The following NRBP2 variants were observed in gnomAD, a reference collection of about 807,000 sequenced individuals.
NRBP2 encodes the protein nuclear receptor-binding protein 2.
Under a neutral mutation model 74.4 loss-of-function variants are expected in NRBP2, and 47 were observed. The ratio of observed to expected loss-of-function variants is 0.63; its 90% CI spans 0.50 to 0.81. NRBP2 has a LOEUF of 0.81. Ranked by LOEUF, NRBP2 falls within the 30% of genes least tolerant of loss-of-function variation. The pLI, the probability that NRBP2 is intolerant of heterozygous loss-of-function variation, is 0.00. For synonymous variants in NRBP2, 312 were observed against 273.8 expected, an observed-to-expected ratio of 1.14 and a Z score of -1.38; for missense variants, 613 against 690.1, an observed-to-expected ratio of 0.89 and a Z score of 1.25.
chr8:143,831,231 T>C (rs2130499464), downstream of NRBP2, among the ~76,000 whole-genome samples: 2 of 152,338 alleles, frequency 1.3e-5, no homozygotes, highest in South Asian at 4.1e-4. Context: ...TGTTACCCCA[T>C]TTTTACTGAT....
intron 14 of NRBP2, 151 bp downstream of exon 14, chr8:143,836,888 C>T (rs1251796350): frequency 1.1e-6 from 1 of 878,554 alleles, no homozygotes; most frequent in Non-Finnish European, 1.8e-6. Context: ...CCCCATGACC[C>T]CCACAAGGGG....
At chr8:143,838,044 T>G in intron 10 of NRBP2, 5 of 652,496 alleles carry the variant, frequency 7.7e-6, no homozygotes, top group Non-Finnish European at 1.1e-5. Context: ...GCAAGCCTCC[T>G]ACCCATGGCC....
chr8:143,838,641 C>T lies in NRBP2; in HGVS notation c.840+39G>A, dbSNP rs368473705. 50 of 1,486,032 alleles carry T rather than the reference C, an allele frequency of 3.4e-5. No homozygotes were observed. In the East Asian group the frequency reaches 4.4e-4, roughly 13 times the overall value. The allele number at this position is 1,486,032 out of a possible 1,614,324, so 92.1% of individuals were successfully genotyped here. Reference sequence around the variant, plus strand: ...GCACCTTGCTAGCCCTAGCTGAGCACGGTGAGCCAGCTGGGGAGGGGCAGG... The same window carrying T: ...GCACCTTGCTAGCCCTAGCTGAGCATGGTGAGCCAGCTGGGGAGGGGCAGG... On this transcript the variant is annotated intron_variant, in intron 10 of 17. Coordinates refer to ENST00000442628, the MANE Select transcript of NRBP2 (RefSeq NM_178564.4).
chr8:143,837,608 C>T lies in NRBP2; in HGVS notation c.973+15G>A, dbSNP rs782752673. On this transcript the variant is annotated intron_variant, in intron 11 of 17. Coordinates refer to ENST00000442628, the MANE Select transcript of NRBP2 (RefSeq NM_178564.4). This position sits in a 1 kb window ranked among gnomAD's most constrained non-coding sequence, Gnocchi z 4.3. ...CCACCTCCCCAGCCACCCCCCGGGC[C>T]GGCCTGCTGCTCACACTGGTGCTGG... 22 of 1,598,726 alleles carry T rather than the reference C, an allele frequency of 1.4e-5. No homozygotes were observed. The highest frequency in any genetic ancestry group is 4.0e-5 in the African/African-American group (3 of 74,750).
In NRBP2 at chr8:143,840,305, C is replaced by A; in HGVS notation, c.130-76G>T. ...GGTGAGGATTTGGTCCCTGTCCACA[C>A]CTTTCCAGTGGGCCCAAGCGTGGGC... On this transcript the variant is annotated intron_variant, in intron 1 of 17. Coordinates refer to ENST00000442628, the MANE Select transcript of NRBP2 (RefSeq NM_178564.4). This position sits in a 1 kb window ranked among gnomAD's most constrained non-coding sequence, Gnocchi z 5.7. 27 of 1,510,888 alleles carry A rather than the reference C, an allele frequency of 1.8e-5. No homozygotes were observed. The highest frequency in any genetic ancestry group is 2.2e-5 in the Non-Finnish European group (25 of 1,130,370). 93.6% of individuals were successfully genotyped at this position (1,510,888 alleles called of 1,614,324 possible).
downstream of NRBP2, chr8:143,833,434 G>A (rs1818232355): frequency 6.6e-6 from 1 of 152,162 alleles, no homozygotes; most frequent in Non-Finnish European, 1.5e-5. Flanking sequence ...ATGCCGCCAG[G>A]AGACTGAGGC....
At chr8:143,831,877 A>G (rs1419561934), downstream of NRBP2, among the ~76,000 whole-genome samples, 1 of 152,264 alleles carries the variant, frequency 6.6e-6, no homozygotes, top group Non-Finnish European at 1.5e-5. Flanking sequence ...TCTTGGAACT[A>G]GAAGAAAATG....
chr8:143,840,247 G>C lies in NRBP2; in HGVS notation c.130-18C>G. On this transcript the variant is annotated intron_variant, in intron 1 of 17. Coordinates refer to ENST00000442628, the MANE Select transcript of NRBP2 (RefSeq NM_178564.4). This position sits in a 1 kb window ranked among gnomAD's most constrained non-coding sequence, Gnocchi z 5.7. ...TGGTTTACCTGGGGGTGAATAAAGG[G>C]TTATGTGTGCCCTGGTGTGTGTCAG... 6.5e-7 allele frequency: 1 copy of C among 1,535,800 alleles called. No homozygotes were observed. The highest frequency in any genetic ancestry group is 1.4e-5 in the African/African-American group (1 of 73,176).
At position 143,837,025 on chromosome 8, in the gene NRBP2, G is replaced by C. The variant is rs1243999502; in HGVS notation, c.1263+14C>G. ...TCTGAGGGATGGCACTGAGCAGCAG[G>C]AGAGGGGACTCACCTTTCTGGTCTC... On this transcript the variant is annotated intron_variant, in intron 14 of 17. Transcript: ENST00000442628. This position sits in a 1 kb window ranked among gnomAD's most constrained non-coding sequence, Gnocchi z 4.3. The C allele has an allele frequency of 4.4e-6, 7 of 1,606,122 alleles. No homozygotes were observed. The Admixed American group carries it at 1.2e-4, about 28-fold the overall frequency.
Position 143,835,214 on chromosome 8 carries a change from A to C in NRBP2, c.*448T>G. The C allele has an allele frequency of 5.1e-6, 1 of 196,166 alleles. No homozygotes were observed. The highest frequency in any genetic ancestry group is 1.1e-5 in the Non-Finnish European group (1 of 94,970). 12.2% of individuals were successfully genotyped at this position (196,166 alleles called of 1,614,324 possible). A position where few individuals can be genotyped will look rare whatever the true frequency, so the allele number is the denominator to read the frequency against. Reference sequence around the variant, plus strand: ...CTGTGCAGGCTCCTTGTGTGGGTCTATGGTGCCAGCAGGGGATGGCTGCTC... The same window carrying C: ...CTGTGCAGGCTCCTTGTGTGGGTCTCTGGTGCCAGCAGGGGATGGCTGCTC... On this transcript the variant is annotated 3_prime_UTR_variant, in exon 18 of 18. Transcript: ENST00000442628. The surrounding 1 kb of genome is among the most constrained non-coding windows in gnomAD (Gnocchi z 4.9).
rs1563863637 is a variant in NRBP2 at position 143,839,076 on chromosome 8, G to A, written c.629C>T (p.Pro210Leu). The change falls in exon 8 of 18, where the codon CCC (proline) becomes CTC (leucine). Residue 210 changes from proline to leucine, a missense_variant. Physicochemically the swap from Pro to Leu is moderately conservative, Grantham distance 98 (BLOSUM62 -3). Coordinates refer to ENST00000442628, the MANE Select transcript of NRBP2 (RefSeq NM_178564.4). The surrounding 1 kb of genome is among the most constrained non-coding windows in gnomAD (Gnocchi z 5.1). ...SNALPDDLRS[P>L]IRAEREELRN... ...AAGTTCCTCTCGCTCAGCGCGGATG[G>A]GGCTTCGGAGATCATCTGGAAGTGC... 6.5e-7 allele frequency: 1 copy of A among 1,529,394 alleles called. No homozygotes were observed. The highest frequency in any genetic ancestry group is 8.8e-7 in the Non-Finnish European group (1 of 1,141,518). 94.7% of individuals were successfully genotyped at this position (1,529,394 alleles called of 1,614,324 possible). A position where few individuals can be genotyped will look rare whatever the true frequency, so the allele number is the denominator to read the frequency against.
Position 143,839,132 on chromosome 8 carries a change from G to T in NRBP2, c.605-32C>A. 2 of 1,512,238 alleles carry T rather than the reference G, an allele frequency of 1.3e-6. No homozygotes were observed. The highest frequency in any genetic ancestry group is 1.4e-5 in the African/African-American group (1 of 72,796). The allele number at this position is 1,512,238 out of a possible 1,614,324, so 93.7% of individuals were successfully genotyped here. On this transcript the variant is annotated intron_variant, in intron 7 of 17. Coordinates refer to ENST00000442628, the MANE Select transcript of NRBP2 (RefSeq NM_178564.4). The surrounding 1 kb of genome is among the most constrained non-coding windows in gnomAD (Gnocchi z 5.1). ...GAGGGCGCAGAGCTGAGCGGGCGGG[G>T]ACCTCTCCAGGACCCCGTCCCCCCA...
rs1347058390 is a variant in NRBP2 at position 143,837,390 on chromosome 8, G to A, written c.1076+17C>T. 1.8e-5 allele frequency: 29 copies of A among 1,576,376 alleles called. No individual in the cohort carries two copies. The highest frequency in any genetic ancestry group is 2.1e-5 in the Non-Finnish European group (24 of 1,161,496). ...GGAGGTGTGGGGAGGGGAGGCTTCT[G>A]GGTGCTGACTGCTCACCGCCACTGC... On this transcript the variant is annotated intron_variant, in intron 12 of 17. Coordinates refer to ENST00000442628, the MANE Select transcript of NRBP2 (RefSeq NM_178564.4). This position sits in a 1 kb window ranked among gnomAD's most constrained non-coding sequence, Gnocchi z 4.3.
rs546104990 is a variant in NRBP2 at position 143,834,260 on chromosome 8, A to C, written c.*1402T>G. ...ACCAGAGAAATGGTTCGTGACACAGACTGAACCTGCTAGCTCTGAAGATGG... is the reference window on the plus strand; with the variant it reads ...ACCAGAGAAATGGTTCGTGACACAGCCTGAACCTGCTAGCTCTGAAGATGG... On this transcript the variant is annotated 3_prime_UTR_variant, in exon 18 of 18. Coordinates refer to ENST00000442628, the MANE Select transcript of NRBP2 (RefSeq NM_178564.4). 6.6e-6 allele frequency: 1 copy of C among 152,394 alleles called. No individual in the cohort carries two copies. The highest frequency in any genetic ancestry group is 1.9e-4 in the East Asian group (1 of 5,190). 9.4% of individuals were successfully genotyped at this position (152,394 alleles called of 1,614,324 possible).
At chr8:143,832,898 GTC>G (rs1185172342), downstream of NRBP2, among the ~76,000 whole-genome samples, 1 of 152,144 alleles carries the variant, frequency 6.6e-6, no homozygotes, top group African/African-American at 2.4e-5. Context: ...TCTTTCCTAA[GTC>G]TCTTGTTCCA....
rs1554651318 is a variant in NRBP2 at position 143,835,666 on chromosome 8, G to T, written c.1502C>A (p.Ala501Asp). ...CCCTGGGGCTGGGGCTCCGGGTCAG[G>T]CCTGGGTCCCACGGTACTTGAGGAA... Reference protein sequence around the residue: ...STFLKYRGTQA With the variant: ...STFLKYRGTQD The change falls in exon 18 of 18, where the codon GCC becomes GAC. Residue 501 changes from alanine (A) to aspartate (D), a missense_variant. Transcript: ENST00000442628. The surrounding 1 kb of genome is among the most constrained non-coding windows in gnomAD (Gnocchi z 4.9). The T allele has an allele frequency of 1.3e-6, 2 of 1,590,854 alleles. No homozygotes were observed. Among genetic ancestry groups the T allele is most frequent in the East Asian group, 4.5e-5 (2 of 44,502 alleles).
At chr8:143,833,073 GAA>G (rs1554650567), downstream of NRBP2, among the ~76,000 whole-genome samples, 1 of 152,180 alleles carries the variant, frequency 6.6e-6, no homozygotes, top group African/African-American at 2.4e-5. Context: ...GGACACTGGT[GAA>G]GAGTTAACCC....
chr8:143,839,403 A>G lies in NRBP2; in HGVS notation c.491T>C (p.Leu164Pro). The change falls in exon 6 of 18, where the codon CTG (leucine) becomes CCG (proline). Residue 164 changes from leucine (L) to proline (P), a missense_variant. Leu to Pro is a moderately conservative substitution (Grantham distance 98). Around this residue, in one of 2 missense-constraint regions of NRBP2, gnomAD observed 332 missense variants for 429.2 expected, o/e 0.77. Coordinates refer to ENST00000442628, the MANE Select transcript of NRBP2 (RefSeq NM_178564.4). The surrounding 1 kb of genome is among the most constrained non-coding windows in gnomAD (Gnocchi z 5.1). ...GATGATTGGGGGGCTGCAGGCGTGC[A>G]GGAAGCTGCAGACGTTGGGGAGGGG... ...CTQILSALSF[L>P]HACSPPIIHG... is the part of the protein sequence containing the mutation. The G allele has an allele frequency of 6.4e-7, 1 of 1,569,680 alleles. No homozygotes were observed. The highest frequency in any genetic ancestry group is 1.2e-5 in the South Asian group (1 of 86,830).
In NRBP2 at chr8:143,840,678, C is replaced by A; in HGVS notation, c.129+28G>T. 1.4e-6 allele frequency: 2 copies of A among 1,457,136 alleles called. No homozygotes were observed. The highest frequency in any genetic ancestry group is 1.3e-5 in the South Asian group (1 of 75,092). The allele number at this position is 1,457,136 out of a possible 1,614,324, so 90.3% of individuals were successfully genotyped here. Reference sequence around the variant, plus strand: ...CCCTCCCGCTCTGGGAGGGCGGTGTCACCCCGTGCCCCAACCCCCGCGCCC... The same window carrying A: ...CCCTCCCGCTCTGGGAGGGCGGTGTAACCCCGTGCCCCAACCCCCGCGCCC... On this transcript the variant is annotated intron_variant, in intron 1 of 17. Transcript: ENST00000442628. This position sits in a 1 kb window ranked among gnomAD's most constrained non-coding sequence, Gnocchi z 5.7.
Sources: allele counts gnomAD v4.1 joint callset (sites outside exome capture counted in the v4.1 genomes callset), GRCh38; gene constraint gnomAD v4.1.1; regional missense constraint gnomAD v4.1.1; non-coding constraint Gnocchi (gnomAD v3.1); transcripts MANE v1.5; gene names NCBI Gene and HGNC (gene_info 2026-07-23, HGNC 2026-07-21).